Variants in OR1J2 observed in about 807,000 individuals in gnomAD.
OR1J2 encodes olfactory receptor 1J2.
For missense variants in OR1J2, 304 were observed against 246.1 expected, an observed-to-expected ratio of 1.24 and a Z score of -1.57; for synonymous variants, 142 against 99.7, an observed-to-expected ratio of 1.42 and a Z score of -2.52.
At chr9:122,461,697 T>C in the OR1J2 span, among the ~76,000 whole-genome samples, 5 of 152,170 alleles carry the variant, frequency 3.3e-5, no homozygotes, top group South Asian at 1.0e-3. Context: ...AGGAGTGGGT[T>C]ATTTAATTAC....
At chr9:122,458,055 G>A in the OR1J2 span, among the ~76,000 whole-genome samples, 4 of 151,840 alleles carry the variant, frequency 2.6e-5, no homozygotes. Flanking sequence ...TGTTTCTGCT[G>A]GGACATTTTC....
rs141998750 is a variant in OR1J2, at chr9:122,510,874, G to A, written c.73G>A (p.Ala25Thr). 173 of 1,611,352 alleles carry A rather than the reference G, an allele frequency of 1.1e-4. 1 individual carries two copies. The African/African-American group carries it at 2.1e-3, about 19-fold the overall frequency. The change falls in exon 1 of 1, where the codon GCT becomes ACT. Residue 25 changes from alanine (A) to threonine (T), a missense_variant. Physicochemically the swap from Ala to Thr is moderately conservative, Grantham distance 58. Coordinates refer to ENST00000335302, the MANE Select transcript of OR1J2 (RefSeq NM_054107.1). ...LGLPIRPEQQ[A>T]VFFTLFLGMY... ...CCTCCCCATCCGGCCAGAGCAGCAG[G>A]CTGTGTTCTTCACCCTGTTCCTGGG...
chr9:122,576,010 T>A, the OR1J2 span, among the ~76,000 whole-genome samples: 1 of 152,178 alleles, frequency 6.6e-6, no homozygotes, highest in African/African-American at 2.4e-5. Context: ...GTCTGGTTTA[T>A]TTCAGTTACC....
chr9:122,531,882 C>CCT, the OR1J2 span, among the ~76,000 whole-genome samples: 6 of 152,148 alleles, frequency 3.9e-5, no homozygotes, highest in Admixed American at 1.3e-4. Context: ...GTGGGAAAGG[C>CCT]CTCTACCTAT....
chr9:122,508,152 GAGAGAA>G (rs975735410), upstream of OR1J2, among the ~76,000 whole-genome samples: 1 of 150,100 alleles, frequency 6.7e-6, no homozygotes, highest in Non-Finnish European at 1.5e-5. Context: ...GAGAGAGAGA[GAGAGAA>G]AGGAGAAGGA....
At chr9:122,475,252 A>G in the OR1J2 span, 3 of 152,322 alleles carry the variant, frequency 2.0e-5, no homozygotes, top group East Asian at 3.9e-4. Context: ...TTCCTGGCTC[A>G]CTGTCCACTA....
At chr9:122,566,320 TATTTGAAGAAATTC>T in the OR1J2 span, among the ~76,000 whole-genome samples, 2 of 152,236 alleles carry the variant, frequency 1.3e-5, no homozygotes, top group East Asian at 3.8e-4. Flanking sequence ...AATAAATGTT[TATTTGAAGAAATTC>T]AGACATTACA....
downstream of OR1J2, among the ~76,000 whole-genome samples, chr9:122,513,438 T>C (rs901448111): frequency 3.9e-5 from 6 of 152,204 alleles, no homozygotes; most frequent in African/African-American, 1.4e-4. Flanking sequence ...TCACCTAGGC[T>C]TTGGGCGGGT....
At chr9:122,526,025 A>G in the OR1J2 span, among the ~76,000 whole-genome samples, 1 of 152,228 alleles carries the variant, frequency 6.6e-6, no homozygotes, top group African/African-American at 2.4e-5. Flanking sequence ...TATTTATTGA[A>G]CAAATATATC....
At chr9:122,541,835 A>G in the OR1J2 span, among the ~76,000 whole-genome samples, 2 of 152,226 alleles carry the variant, frequency 1.3e-5, no homozygotes, top group South Asian at 2.1e-4. Flanking sequence ...AGTTTCCACA[A>G]ATGTTATTTG....
At chr9:122,468,450 C>G in the OR1J2 span, among the ~76,000 whole-genome samples, 1 of 152,088 alleles carries the variant, frequency 6.6e-6, no homozygotes. Context: ...ATTACTTGGA[C>G]AAAATCATAA....
the OR1J2 span, among the ~76,000 whole-genome samples, chr9:122,563,496 T>C: frequency 1.3e-5 from 2 of 152,358 alleles, no homozygotes; most frequent in African/African-American, 4.8e-5. Context: ...GAGTTTCTTA[T>C]ATATTCCACA....
the OR1J2 span, among the ~76,000 whole-genome samples, chr9:122,471,768 C>T: frequency 6.6e-6 from 1 of 152,098 alleles, no homozygotes; most frequent in African/African-American, 2.4e-5. Flanking sequence ...GAAAATTCCC[C>T]CCAAATAATT....
the OR1J2 span, among the ~76,000 whole-genome samples, chr9:122,450,268 T>C: frequency 1.3e-5 from 2 of 151,996 alleles, no homozygotes; most frequent in Non-Finnish European, 2.9e-5. Context: ...CCGTCTCTAC[T>C]AAAAATACAA....
the OR1J2 span, among the ~76,000 whole-genome samples, chr9:122,479,352 A>T: frequency 6.6e-6 from 1 of 152,252 alleles, no homozygotes; most frequent in South Asian, 2.1e-4. Context: ...AGAGTAAGTA[A>T]AATGCTGATG....
At chr9:122,566,226 A>G in the OR1J2 span, among the ~76,000 whole-genome samples, 1 of 152,250 alleles carries the variant, frequency 6.6e-6, no homozygotes, top group Non-Finnish European at 1.5e-5. Context: ...GCACTCAGAA[A>G]GTTTTTCTTC....
the OR1J2 span, among the ~76,000 whole-genome samples, chr9:122,456,003 A>G: frequency 6.6e-6 from 1 of 152,344 alleles, no homozygotes; most frequent in Admixed American, 6.5e-5. Flanking sequence ...AATTGACCAT[A>G]CATATATGAG....
At chr9:122,548,247 A>C in the OR1J2 span, among the ~76,000 whole-genome samples, 1 of 152,204 alleles carries the variant, frequency 6.6e-6, no homozygotes. Flanking sequence ...GACAAGGCAA[A>C]GGGGTTTGGG....
At chr9:122,553,646 A>G in the OR1J2 span, 1 of 1,614,076 alleles carries the variant, frequency 6.2e-7, no homozygotes, top group East Asian at 2.2e-5. Flanking sequence ...AGCTCTGTGC[A>G]CTAATGCTGG....
Sources: allele counts gnomAD v4.1 joint callset (sites outside exome capture counted in the v4.1 genomes callset), GRCh38; gene constraint gnomAD v4.1.1; transcripts MANE v1.5; gene names NCBI Gene and HGNC (gene_info 2026-07-23, HGNC 2026-07-21).